PARP11: variants seen among roughly 807,000 people sequenced by gnomAD.
PARP11 encodes protein mono-ADP-ribosyltransferase PARP11.
Under a neutral mutation model 42.9 loss-of-function variants are expected in PARP11, and 31 were observed. That is an observed-to-expected ratio of 0.72 (90% CI 0.54 to 0.98). The LOEUF is 0.98. PARP11 is among the 50% of genes least tolerant of loss of function. PARP11 has a pLI of 0.00. For synonymous variants in PARP11, 137 were observed against 127.3 expected (o/e 1.08, Z -0.51); for missense variants, 365 against 413.1 (o/e 0.88, Z 1.01).
intron 4 of PARP11, among the ~76,000 whole-genome samples, chr12:3,823,652 A>G (rs1429215637): frequency 6.6e-6 from 1 of 152,232 alleles, no homozygotes; most frequent in African/African-American, 2.4e-5. Flanking sequence ...GCGGTGGCTC[A>G]TGCCTATAAT....
chr12:3,853,906 G>A (rs1034342844), intron 1 of PARP11, among the ~76,000 whole-genome samples: 1 of 152,132 alleles, frequency 6.6e-6, no homozygotes, highest in Admixed American at 6.5e-5. Flanking sequence ...CTCAGCAAAC[G>A]TAAAAGAACA....
In PARP11 at chr12:3,840,935, C is replaced by T; in HGVS notation, c.19-10917G>A. The T allele has an allele frequency of 1.1e-5, 18 of 1,607,020 alleles. No individual in the cohort carries two copies. The highest frequency in any genetic ancestry group is 1.5e-5 in the Non-Finnish European group (18 of 1,173,624). On this transcript the variant is annotated intron_variant, in intron 1 of 7. Transcript: ENST00000228820. The surrounding 1 kb of genome is among the most constrained non-coding windows in gnomAD (Gnocchi z 4.4). ...GAGGTACATCTAACTCCTGCAGTGC[C>T]TTCTTTACCAGCCACTGTGCCAGCC... is the stretch of plus-strand genomic sequence containing the variant.
intron 6 of PARP11, among the ~76,000 whole-genome samples, chr12:3,815,877 A>C (rs1341575672): frequency 6.6e-6 from 1 of 152,254 alleles, no homozygotes; most frequent in Non-Finnish European, 1.5e-5. Context: ...TGAGTTCTGT[A>C]AATGATAGGC....
chr12:3,847,658 T>G (rs1020467912), intron 1 of PARP11, among the ~76,000 whole-genome samples: 1 of 152,154 alleles, frequency 6.6e-6, no homozygotes, highest in African/African-American at 2.4e-5. Flanking sequence ...AAACTGGATA[T>G]AGAAGAAACG....
chr12:3,815,686 C>T (rs1448876542), intron 6 of PARP11, among the ~76,000 whole-genome samples: 1 of 152,178 alleles, frequency 6.6e-6, no homozygotes. Flanking sequence ...AAACTGCATC[C>T]ATAATCAAGT....
At chr12:3,815,129 C>G in intron 6 of PARP11, 1 of 440,162 alleles carries the variant, frequency 2.3e-6, no homozygotes, top group East Asian at 7.0e-5. Context: ...AGTCTGCAAA[C>G]TATTTGCTGC....
chr12:3,829,095 G>A, intron 2 of PARP11, 65 bp from the exon 3 acceptor site: 2 of 1,573,794 alleles, frequency 1.3e-6, no homozygotes, highest in Non-Finnish European at 1.7e-6. Context: ...CCACAGAGGT[G>A]GTACTGTGGT....
intron 1 of PARP11, among the ~76,000 whole-genome samples, chr12:3,855,319 A>G (rs991700782): frequency 6.6e-6 from 1 of 152,230 alleles, no homozygotes; most frequent in Non-Finnish European, 1.5e-5. Flanking sequence ...AGGGTATCCA[A>G]TTAGGAAAAG....
At chr12:3,835,634 G>A (rs926956764) in intron 1 of PARP11, among the ~76,000 whole-genome samples, 2 of 152,082 alleles carry the variant, frequency 1.3e-5, no homozygotes, top group African/African-American at 4.8e-5. Context: ...TTGCTTAACA[G>A]GTTAAGGGAA....
At chr12:3,836,280 C>G (rs1412298107) in intron 1 of PARP11, among the ~76,000 whole-genome samples, 10 of 151,652 alleles carry the variant, frequency 6.6e-5, no homozygotes. Context: ...ATCAGAAACC[C>G]TAGAGGCCAA....
rs200031294 is a variant in PARP11, at chr12:3,828,868, C to A, written c.268+42G>T. The A allele has an allele frequency of 9.9e-4, 1,552 of 1,567,886 alleles. 3 individuals are homozygous for A. The highest frequency in any genetic ancestry group is 1.2e-3 in the Non-Finnish European group (1,423 of 1,141,812). Reference sequence around the variant, plus strand: ...TTCAGAGCTGTAGATTTTATCATATCAATATACTAAAAACACACAACTATT... The same window carrying A: ...TTCAGAGCTGTAGATTTTATCATATAAATATACTAAAAACACACAACTATT... On this transcript the variant is annotated intron_variant, in intron 3 of 7. Coordinates refer to ENST00000228820, the MANE Select transcript of PARP11 (RefSeq NM_020367.6).
intron 6 of PARP11, among the ~76,000 whole-genome samples, chr12:3,815,298 T>C (rs1012662899): frequency 5.1e-4 from 77 of 152,364 alleles, no homozygotes; most frequent in African/African-American, 1.8e-3. Context: ...ACAATTTATT[T>C]GTGATCAGCT....
At chr12:3,829,832 G>C in intron 2 of PARP11, 58 bp downstream of exon 2, 2 of 1,557,340 alleles carry the variant, frequency 1.3e-6, no homozygotes, top group Non-Finnish European at 1.8e-6. Flanking sequence ...ACATACATCA[G>C]CAAGGTGATG....
intron 1 of PARP11, 41 bp from the exon 2 acceptor site, chr12:3,830,059 T>G: frequency 6.3e-7 from 1 of 1,579,556 alleles, no homozygotes; most frequent in East Asian, 2.2e-5. Flanking sequence ...ATAATTCTAT[T>G]AATAACAAGT....
At chr12:3,839,409 G>T (rs535151836) in intron 1 of PARP11, 12 of 1,579,472 alleles carry the variant, frequency 7.6e-6, no homozygotes, top group Admixed American at 3.6e-5. Context: ...GCTTGTATCG[G>T]AAACTGGTCG....
intron 1 of PARP11, among the ~76,000 whole-genome samples, chr12:3,834,182 G>C (rs1565538987): frequency 6.6e-6 from 1 of 152,074 alleles, no homozygotes; most frequent in Non-Finnish European, 1.5e-5. Flanking sequence ...TGTTACTCTG[G>C]GGAAAAAAGA....
intron 6 of PARP11, among the ~76,000 whole-genome samples, chr12:3,819,279 T>C (rs1272322789): frequency 6.6e-6 from 1 of 152,240 alleles, no homozygotes; most frequent in African/African-American, 2.4e-5. Context: ...ACACAGCAGA[T>C]ACCACTTTGG....
At chr12:3,857,883 G>C (rs983649272) in intron 1 of PARP11, among the ~76,000 whole-genome samples, 1 of 152,172 alleles carries the variant, frequency 6.6e-6, no homozygotes, top group Non-Finnish European at 1.5e-5. Flanking sequence ...GATATCCTTA[G>C]ATCAATAAAG....
chr12:3,868,140 T>C (rs1948421814), intron 1 of PARP11, among the ~76,000 whole-genome samples: 1 of 152,166 alleles, frequency 6.6e-6, no homozygotes, highest in Non-Finnish European at 1.5e-5. Context: ...TTCTCAATGA[T>C]AATAAAAACA....
Sources: allele counts gnomAD v4.1 joint callset (sites outside exome capture counted in the v4.1 genomes callset), GRCh38; gene constraint gnomAD v4.1.1; non-coding constraint Gnocchi (gnomAD v3.1); transcripts MANE v1.5; gene names NCBI Gene and HGNC (gene_info 2026-07-23, HGNC 2026-07-21).